PDZRN3: variants seen among roughly 807,000 people sequenced by gnomAD.
PDZRN3 encodes the protein E3 ubiquitin-protein ligase PDZRN3.
Under a neutral mutation model 85.7 loss-of-function variants are expected in PDZRN3, and 38 were observed. The ratio of observed to expected loss-of-function variants is 0.44; its 90% CI spans 0.34 to 0.58. The LOEUF (loss-of-function observed/expected upper bound fraction) is 0.58. Ranked by LOEUF, PDZRN3 falls within the 20% of genes least tolerant of loss-of-function variation. The pLI, the probability that PDZRN3 is intolerant of heterozygous loss-of-function variation, is 0.01. For missense variants in PDZRN3, 1,629 were observed against 1,506.4 expected (o/e 1.08, Z -1.35); for synonymous variants, 759 against 638.0 (o/e 1.19, Z -2.86).
At chr3:73,440,125 C>CAG (rs1411459397) in intron 3 of PDZRN3, among the ~76,000 whole-genome samples, 2 of 152,096 alleles carry the variant, frequency 1.3e-5, no homozygotes, top group African/African-American at 4.8e-5. Context: ...CTTTGGGCTG[C>CAG]AGAGATCTTG....
At chr3:73,591,249 A>G (rs1033558678) in intron 3 of PDZRN3, among the ~76,000 whole-genome samples, 11 of 152,212 alleles carry the variant, frequency 7.2e-5, no homozygotes, top group Non-Finnish European at 1.3e-4. Context: ...CATTATAAAA[A>G]CAGAAATCTT....
intron 3 of PDZRN3, among the ~76,000 whole-genome samples, chr3:73,454,931 TATC>T (rs1372941818): frequency 6.6e-6 from 1 of 152,140 alleles, no homozygotes; most frequent in Non-Finnish European, 1.5e-5. Context: ...TGGACTGACT[TATC>T]ATCTGTAAGA....
chr3:73,565,102 A>C (rs1400687305), intron 3 of PDZRN3, among the ~76,000 whole-genome samples: 1 of 151,320 alleles, frequency 6.6e-6, no homozygotes, highest in African/African-American at 2.4e-5. Flanking sequence ...CTTTAGGGAA[A>C]TACTATATCC....
intron 1 of PDZRN3, among the ~76,000 whole-genome samples, chr3:73,611,425 A>G (rs1440371304): frequency 6.6e-6 from 1 of 152,236 alleles, no homozygotes; most frequent in Non-Finnish European, 1.5e-5. Flanking sequence ...TGAACAACTA[A>G]GCTGACCTTC....
At chr3:73,500,153 T>C in intron 3 of PDZRN3, among the ~76,000 whole-genome samples, 1 of 152,060 alleles carries the variant, frequency 6.6e-6, no homozygotes, top group African/African-American at 2.4e-5. Context: ...TCTCATGGGT[T>C]CAAGTGATCC....
chr3:73,477,592 GAGCAAAAA>G (rs1339127406), intron 3 of PDZRN3, among the ~76,000 whole-genome samples: 2 of 152,120 alleles, frequency 1.3e-5, no homozygotes, highest in African/African-American at 2.4e-5. Flanking sequence ...AAACGCTCAT[GAGCAAAAA>G]ATCACCCATA....
chr3:73,383,715 G>T lies in PDZRN3; in HGVS notation c.2851C>A (p.Arg951=), dbSNP rs374082761. 8.1e-6 allele frequency: 13 copies of T among 1,611,530 alleles called. No individual in the cohort carries two copies. Among genetic ancestry groups the T allele is most frequent in the Non-Finnish European group, 1.1e-5 (13 of 1,180,008 alleles). ...GTGGTCATGCCGCTGCGCTCTTCCC[G>T]GATCTTCAGGGCGCGCTCCCGCAGC... ...RLLRERALKI[R]EERSGMTTDD... is the part of the protein sequence containing the mutation. Residue 951 remains arginine, a synonymous_variant, in exon 10 of 10, where the codon CGG becomes AGG. Transcript: ENST00000263666.
intron 3 of PDZRN3, among the ~76,000 whole-genome samples, chr3:73,591,744 G>T (rs971198913): frequency 6.6e-6 from 1 of 152,180 alleles, no homozygotes; most frequent in South Asian, 2.1e-4. Context: ...AATGCTCAGA[G>T]ATAAGAAGTT....
chr3:73,615,011 AG>A (rs1442331545), intron 1 of PDZRN3, among the ~76,000 whole-genome samples: 2 of 152,258 alleles, frequency 1.3e-5, no homozygotes, highest in Admixed American at 1.3e-4. Context: ...ACTCAACAAA[AG>A]TATTAATAGG....
chr3:73,462,830 A>G (rs926198329), intron 3 of PDZRN3, among the ~76,000 whole-genome samples: 3 of 152,116 alleles, frequency 2.0e-5, no homozygotes, highest in Non-Finnish European at 4.4e-5. Context: ...ATTTGCAACT[A>G]CCTTTTGCCT....
At chr3:73,569,411 A>G (rs553103323) in intron 3 of PDZRN3, 30 of 1,157,958 alleles carry the variant, frequency 2.6e-5, no homozygotes, top group East Asian at 1.4e-4. Flanking sequence ...ACAAGAGTAC[A>G]TATTTCCTGT....
At chr3:73,479,513 C>T (rs1000910477) in intron 3 of PDZRN3, among the ~76,000 whole-genome samples, 9 of 152,214 alleles carry the variant, frequency 5.9e-5, no homozygotes, top group African/African-American at 2.2e-4. Flanking sequence ...AGGCACCTGT[C>T]GGAATTGTTC....
chr3:73,453,158 A>G (rs1479059686), intron 3 of PDZRN3, among the ~76,000 whole-genome samples: 1 of 152,106 alleles, frequency 6.6e-6, no homozygotes, highest in Non-Finnish European at 1.5e-5. Flanking sequence ...CTGTAATCCC[A>G]GCACTTTGGG....
chr3:73,477,937 TATTC>T (rs1215890795), intron 3 of PDZRN3, among the ~76,000 whole-genome samples: 15 of 152,176 alleles, frequency 9.9e-5, no homozygotes, highest in Non-Finnish European at 2.1e-4. Flanking sequence ...TTGTGAGACT[TATTC>T]ATTATCATGA....
At chr3:73,512,543 T>C (rs1044711755) in intron 3 of PDZRN3, among the ~76,000 whole-genome samples, 5 of 152,042 alleles carry the variant, frequency 3.3e-5, no homozygotes, top group Admixed American at 3.3e-4. Context: ...CTTTTTTTTT[T>C]CCGGGGAGAA....
rs1391936399 is a variant in PDZRN3, at chr3:73,401,339, A to AC, written c.1167-331dup. Among the ~76,000 whole-genome samples the AC allele has an allele frequency of 2.0e-5, 3 of 152,274 alleles. No individual in the cohort carries two copies. The East Asian group carries it at 5.8e-4, about 29-fold the overall frequency. ...ACTCCATCTCTACGCAGGAAACAGG[A>AC]CAATATTTTACTGCTTATTGCTTCA... On this transcript the variant is annotated intron_variant, in intron 4 of 9. Coordinates refer to ENST00000263666, the MANE Select transcript of PDZRN3 (RefSeq NM_015009.3).
intron 5 of PDZRN3, among the ~76,000 whole-genome samples, chr3:73,399,851 ACTGTAT>A (rs1373770188): frequency 6.6e-6 from 1 of 152,322 alleles, no homozygotes; most frequent in East Asian, 1.9e-4. Flanking sequence ...CTTTGATTTG[ACTGTAT>A]CTGGCTAACC....
In PDZRN3 at chr3:73,540,842, T is replaced by C. The variant is rs187650928; in HGVS notation, c.918+61512A>G. Among the ~76,000 whole-genome samples, 6 of 152,292 alleles carry C rather than the reference T, an allele frequency of 3.9e-5. No individual in the cohort carries two copies. The East Asian group carries it at 1.2e-3, about 29-fold the overall frequency. On this transcript the variant is annotated intron_variant, in intron 3 of 9. Coordinates refer to ENST00000263666, the MANE Select transcript of PDZRN3 (RefSeq NM_015009.3). ...AAGAGTATAACAAATGATTAGAGAC[T>C]ACAATTTAGCAGAAAGTTACTCTAA... is the stretch of plus-strand genomic sequence containing the variant.
intron 3 of PDZRN3, among the ~76,000 whole-genome samples, chr3:73,501,140 T>C (rs1703970047): frequency 6.6e-6 from 1 of 152,202 alleles, no homozygotes; most frequent in African/African-American, 2.4e-5. Flanking sequence ...CATTTGGCCA[T>C]AATTAATGAA....
Sources: allele counts gnomAD v4.1 joint callset (sites outside exome capture counted in the v4.1 genomes callset), GRCh38; gene constraint gnomAD v4.1.1; transcripts MANE v1.5; gene names NCBI Gene and HGNC (gene_info 2026-07-23, HGNC 2026-07-21).